GPR176: variants seen among roughly 807,000 people sequenced by gnomAD.
GPR176 encodes G-protein coupled receptor 176.
GPR176 carries 26 observed loss-of-function variants against 35.4 expected under a neutral mutation model. The observed-to-expected ratio is 0.74, with a 90% CI of 0.54 to 1.02. The LOEUF (loss-of-function observed/expected upper bound fraction) is 1.02. Among genes scored for constraint, GPR176 ranks in the 50% least tolerant of loss-of-function variants. The pLI is 0.00. For synonymous variants in GPR176, 278 were observed against 271.3 expected, an observed-to-expected ratio of 1.02 and a Z score of -0.24; for missense variants, 597 against 665.3, an observed-to-expected ratio of 0.90 and a Z score of 1.13.
chr15:39,858,899 A>G (rs1023420254), intron 1 of GPR176, among the ~76,000 whole-genome samples: 2 of 152,024 alleles, frequency 1.3e-5, no homozygotes, highest in East Asian at 3.9e-4. Context: ...GGTACATGCC[A>G]CCATGACCAG....
intron 1 of GPR176, among the ~76,000 whole-genome samples, chr15:39,907,879 G>C (rs759415271): frequency 2.0e-4 from 30 of 152,300 alleles, no homozygotes; most frequent in Admixed American, 6.5e-4. Flanking sequence ...CAGCTACTCA[G>C]GAGGCTGAGG....
chr15:39,889,966 G>A (rs1368511936), intron 1 of GPR176, among the ~76,000 whole-genome samples: 1 of 152,166 alleles, frequency 6.6e-6, no homozygotes, highest in East Asian at 1.9e-4. Flanking sequence ...TAGAGCCTAT[G>A]TCCATATATC....
intron 1 of GPR176, among the ~76,000 whole-genome samples, chr15:39,866,781 T>C (rs565930558): frequency 6.6e-6 from 1 of 152,208 alleles, no homozygotes; most frequent in South Asian, 2.1e-4. Flanking sequence ...TTGAACTTTT[T>C]AAATGTACTA....
chr15:39,910,215 G>A (rs2033539471), intron 1 of GPR176, among the ~76,000 whole-genome samples: 1 of 152,226 alleles, frequency 6.6e-6, no homozygotes, highest in Non-Finnish European at 1.5e-5. Context: ...TAAGGCTAAT[G>A]CAATACTCTT....
intron 1 of GPR176, among the ~76,000 whole-genome samples, chr15:39,828,316 A>G (rs1900824596): frequency 6.6e-6 from 1 of 152,296 alleles, no homozygotes; most frequent in South Asian, 2.1e-4. Context: ...TCATGGCCTG[A>G]CTGACATGCA....
chr15:39,858,473 T>C (rs1241228604), intron 1 of GPR176, among the ~76,000 whole-genome samples: 1 of 151,928 alleles, frequency 6.6e-6, no homozygotes, highest in Non-Finnish European at 1.5e-5. Flanking sequence ...TTCAGCACTT[T>C]GGGAGGCCAA....
intron 1 of GPR176, among the ~76,000 whole-genome samples, chr15:39,908,227 G>C (rs570958343): frequency 3.9e-4 from 60 of 152,108 alleles, no homozygotes; most frequent in Non-Finnish European, 7.9e-4. Flanking sequence ...TCTTCCACTG[G>C]CAGGCTTTAT....
chr15:39,831,372 A>G (rs573454175), intron 1 of GPR176, among the ~76,000 whole-genome samples: 2 of 152,248 alleles, frequency 1.3e-5, no homozygotes, highest in South Asian at 2.1e-4. Flanking sequence ...TGATGCCTAC[A>G]TGTGTCTGTC....
intron 1 of GPR176, chr15:39,909,985 G>T: frequency 2.1e-6 from 1 of 480,908 alleles, no homozygotes; most frequent in Non-Finnish European, 2.7e-6. Context: ...GTCTTCTTTT[G>T]ACAGGAGGAT....
chr15:39,891,727 T>C (rs894575201), intron 1 of GPR176, among the ~76,000 whole-genome samples: 1 of 152,128 alleles, frequency 6.6e-6, no homozygotes, highest in African/African-American at 2.4e-5. Flanking sequence ...TACTACCAGC[T>C]ACTTGGGAGG....
chr15:39,904,479 G>C (rs1275974724), intron 1 of GPR176, among the ~76,000 whole-genome samples: 1 of 152,138 alleles, frequency 6.6e-6, no homozygotes, highest in Non-Finnish European at 1.5e-5. Flanking sequence ...GGATATAATG[G>C]AATAGATAGA....
At chr15:39,812,236 T>C (rs1033382416) in intron 1 of GPR176, among the ~76,000 whole-genome samples, 7 of 152,196 alleles carry the variant, frequency 4.6e-5, no homozygotes, top group African/African-American at 1.7e-4. Flanking sequence ...CCTGTGAGGG[T>C]GTTGCCAACA....
chr15:39,874,859 C>T (rs1437696721), intron 1 of GPR176, among the ~76,000 whole-genome samples: 1 of 152,110 alleles, frequency 6.6e-6, no homozygotes, highest in South Asian at 2.1e-4. Flanking sequence ...GCCTGACCAA[C>T]ATGAAGAAAC....
intron 1 of GPR176, among the ~76,000 whole-genome samples, chr15:39,918,352 G>A (rs1299857675): frequency 6.6e-6 from 1 of 152,116 alleles, no homozygotes; most frequent in Non-Finnish European, 1.5e-5. Flanking sequence ...CAAACCATGA[G>A]AAAATTTCTC....
At position 39,807,171 on chromosome 15, in the gene GPR176, C is replaced by A; in HGVS notation, c.260G>T (p.Gly87Val). The A allele has an allele frequency of 6.2e-7, 1 of 1,613,684 alleles. No homozygotes were observed. Among genetic ancestry groups the A allele is most frequent in the Non-Finnish European group, 8.5e-7 (1 of 1,179,800 alleles). Residue 87 changes from glycine to valine, a missense_variant, in exon 2 of 3, where the codon GGG becomes GTG. By Grantham distance (109) the Gly-to-Val change is moderately radical. Coordinates refer to ENST00000561100, the MANE Select transcript of GPR176 (RefSeq NM_007223.3). ...NRFIKNLACS[G>V]ICASLVCVPF... ...CACACAGACCAGGCTGGCACAAATCCCCGAGCAGGCCAGGTTTTTAATGAA... is the reference window on the plus strand; with the variant it reads ...CACACAGACCAGGCTGGCACAAATCACCGAGCAGGCCAGGTTTTTAATGAA...
At chr15:39,809,749 A>G (rs1299950914) in intron 1 of GPR176, among the ~76,000 whole-genome samples, 2 of 152,210 alleles carry the variant, frequency 1.3e-5, no homozygotes, top group Non-Finnish European at 2.9e-5. Context: ...CAAAAAGGAA[A>G]TAAGAGGTAG....
At position 39,888,755 on chromosome 15, in the gene GPR176, T is replaced by C. The variant is rs539927523; in HGVS notation, c.172+31100A>G. Among the ~76,000 whole-genome samples the C allele has an allele frequency of 2.5e-3, 382 of 152,336 alleles. 1 individual carries two copies. The highest frequency in any genetic ancestry group is 2.9e-3 in the Non-Finnish European group (197 of 68,024). ...TCATCAATCCCTTTCCTACCCATCT[T>C]GAGGATATGAACCTTCCCGATTCTT... On this transcript the variant is annotated intron_variant, in intron 1 of 2. Coordinates refer to ENST00000561100, the MANE Select transcript of GPR176 (RefSeq NM_007223.3).
At position 39,911,992 on chromosome 15, in the gene GPR176, T is replaced by G. The variant is rs1016344601; in HGVS notation, c.172+7863A>C. Among the ~76,000 whole-genome samples the G allele has an allele frequency of 6.6e-5, 10 of 152,350 alleles. No individual in the cohort carries two copies. In the South Asian group the frequency reaches 2.1e-3, roughly 32 times the overall value. On this transcript the variant is annotated intron_variant, in intron 1 of 2. Transcript: ENST00000561100. ...TGTTAACATCTGCATTTAACATGAT[T>G]TATTTAGCCACCATGAAGGAATGGA... is the stretch of plus-strand genomic sequence containing the variant.
intron 1 of GPR176, among the ~76,000 whole-genome samples, chr15:39,809,077 A>C (rs1400435639): frequency 2.6e-5 from 4 of 152,216 alleles, no homozygotes; most frequent in African/African-American, 4.8e-5. Flanking sequence ...TAGCATTTAC[A>C]TGCTCATGAA....
Sources: allele counts gnomAD v4.1 joint callset (sites outside exome capture counted in the v4.1 genomes callset), GRCh38; gene constraint gnomAD v4.1.1; transcripts MANE v1.5; gene names NCBI Gene and HGNC (gene_info 2026-07-23, HGNC 2026-07-21).